PRKDC: variants seen among roughly 807,000 people sequenced by gnomAD.
The protein encoded by PRKDC is DNA-dependent protein kinase catalytic subunit.
PRKDC carries 82 observed loss-of-function variants against 486.9 expected under a neutral mutation model. The observed-to-expected ratio is 0.17, with a 90% CI of 0.14 to 0.20. The LOEUF (loss-of-function observed/expected upper bound fraction) is 0.20, where lower values mean the gene tolerates loss of function less well. Ranked by LOEUF, PRKDC falls within the 10% of genes least tolerant of loss-of-function variation. The probability of loss-of-function intolerance (pLI) is 1.00; values close to 1 mark genes in which losing one functional copy is unlikely to be tolerated. For synonymous variants in PRKDC, 1,895 were observed against 1,837.0 expected, an observed-to-expected ratio of 1.03 and a Z score of -0.81; for missense variants, 4,504 against 5,038.2, an observed-to-expected ratio of 0.89 and a Z score of 3.21.
chr8:47,859,079 A>C (rs2088614656), intron 46 of PRKDC, 93 bp from the exon 47 acceptor site: 2 of 1,365,556 alleles, frequency 1.5e-6, no homozygotes, highest in Admixed American at 3.7e-5. Flanking sequence ...GGGCAACAGC[A>C]TATAACAAAC....
chr8:47,913,474 G>A (rs2089939112), intron 24 of PRKDC, among the ~76,000 whole-genome samples: 1 of 151,996 alleles, frequency 6.6e-6, no homozygotes, highest in African/African-American at 2.4e-5. Flanking sequence ...TCGGCTTGCT[G>A]CAACCACTGC....
Position 47,834,394 on chromosome 8 carries a change from C to T in PRKDC, c.7954G>A (p.Gly2652Arg), listed in dbSNP as rs746861565. 124 of 1,612,850 alleles carry T rather than the reference C, an allele frequency of 7.7e-5. No individual in the cohort carries two copies. Among genetic ancestry groups the T allele is most frequent in the Non-Finnish European group, 9.7e-5 (115 of 1,179,726 alleles). Residue 2652 changes from glycine to arginine, a missense_variant and splice_region_variant, in exon 59 of 86, where the codon GGA (glycine) becomes AGA (arginine). Physicochemically the swap from Gly to Arg is moderately radical, Grantham distance 125 (BLOSUM62 -2). Coordinates refer to ENST00000314191, the MANE Select transcript of PRKDC (RefSeq NM_006904.7). ...HDFTLTQTAD[G>R]RSSFDWLTGS... is the part of the protein sequence containing the mutation. ...GTCAGCCAATCAAATGAGCTTCTTC[C>T]ATCTGTGACATGCAATCAGAGAGGT...
intron 25 of PRKDC, 57 bp from the exon 26 acceptor site, chr8:47,905,033 G>A: frequency 6.3e-6 from 8 of 1,263,186 alleles, no homozygotes; most frequent in Non-Finnish European, 8.0e-6. Flanking sequence ...ATGTTACGCT[G>A]TAAAGGGTTC....
intron 46 of PRKDC, 70 bp from the exon 47 acceptor site, chr8:47,859,056 G>A (rs573263344): frequency 3.2e-6 from 5 of 1,560,598 alleles, no homozygotes; most frequent in African/African-American, 1.4e-5. Flanking sequence ...GTGGATGTGG[G>A]AGGCTCTTTC....
chr8:47,936,885 A>G (rs2090361211), intron 11 of PRKDC, among the ~76,000 whole-genome samples: 1 of 147,704 alleles, frequency 6.8e-6, no homozygotes, highest in Non-Finnish European at 1.5e-5. Flanking sequence ...TCAGCCTCCC[A>G]AAGTGCTGGG....
chr8:47,926,487 C>A (rs916566198), intron 21 of PRKDC, among the ~76,000 whole-genome samples: 7 of 151,992 alleles, frequency 4.6e-5, no homozygotes, highest in Non-Finnish European at 1.0e-4. Flanking sequence ...AAGAAAAAAA[C>A]CTTATAAATT....
chr8:47,830,565 T>A (rs761568354), intron 61 of PRKDC, 40 bp downstream of exon 61: 3 of 1,605,376 alleles, frequency 1.9e-6, no homozygotes, highest in Non-Finnish European at 2.6e-6. Flanking sequence ...TGGAAACAGA[T>A]TTTAACCTGT....
At chr8:47,895,969 G>A (rs888702849) in intron 30 of PRKDC, among the ~76,000 whole-genome samples, 8 of 152,020 alleles carry the variant, frequency 5.3e-5, no homozygotes, top group African/African-American at 1.4e-4. Flanking sequence ...AACCCAGGGC[G>A]CAGAGGCTGC....
At chr8:47,818,025 T>A (rs952013958) in intron 67 of PRKDC, among the ~76,000 whole-genome samples, 1 of 152,186 alleles carries the variant, frequency 6.6e-6, no homozygotes, top group Non-Finnish European at 1.5e-5. Flanking sequence ...ACAGGTAATA[T>A]TTCTAGTGTC....
intron 26 of PRKDC, among the ~76,000 whole-genome samples, chr8:47,903,241 A>G (rs1329071878): frequency 6.6e-6 from 1 of 152,216 alleles, no homozygotes; most frequent in Non-Finnish European, 1.5e-5. Flanking sequence ...ACTGCTCCAT[A>G]AAGGAAAATC....
chr8:47,803,160 T>A, intron 70 of PRKDC, 146 bp downstream of exon 70: 1 of 739,432 alleles, frequency 1.4e-6, no homozygotes, highest in African/African-American at 1.8e-5. Flanking sequence ...ACTATCATTC[T>A]CTGGCTCACT....
rs779718777 is a variant in PRKDC, at chr8:47,798,386, C to T, written c.10309G>A (p.Ala3437Thr). The change falls in exon 73 of 86, where the codon GCA becomes ACA. Residue 3437 changes from alanine to threonine, a missense_variant. Transcript: ENST00000314191. ...AGTGCTGGATACGCCTGCAGTTCTG[C>T]AGAATCAATAACTATCAAGGACACC... ...EEENASVIDS[A>T]ELQAYPALVV... 6.3e-5 allele frequency: 101 copies of T among 1,599,720 alleles called. No homozygotes were observed. The highest frequency in any genetic ancestry group is 1.3e-5 in the African/African-American group (1 of 74,278).
At chr8:47,831,499 T>C (rs935070219) in intron 60 of PRKDC, among the ~76,000 whole-genome samples, 2 of 152,092 alleles carry the variant, frequency 1.3e-5, no homozygotes, top group Non-Finnish European at 2.9e-5. Flanking sequence ...TCCCGCCGCA[T>C]TGGTCCCTGA....
At chr8:47,947,536 G>C (rs571234739) in intron 7 of PRKDC, among the ~76,000 whole-genome samples, 13 of 152,246 alleles carry the variant, frequency 8.5e-5, no homozygotes, top group Non-Finnish European at 1.8e-4. Context: ...GGGAGGGTAA[G>C]GCGGGTGGAT....
At chr8:47,918,649 C>T (rs930855585) in intron 21 of PRKDC, among the ~76,000 whole-genome samples, 3 of 152,178 alleles carry the variant, frequency 2.0e-5, no homozygotes, top group Non-Finnish European at 2.9e-5. Flanking sequence ...GTGGCTCCCA[C>T]GCATCACACT....
At chr8:47,867,172 A>C (rs961973961) in intron 40 of PRKDC, among the ~76,000 whole-genome samples, 1 of 152,172 alleles carries the variant, frequency 6.6e-6, no homozygotes, top group African/African-American at 2.4e-5. Context: ...AATGAGGAAG[A>C]TTTCTATATG....
intron 14 of PRKDC, among the ~76,000 whole-genome samples, chr8:47,934,736 A>AT (rs2090318785): frequency 6.6e-6 from 1 of 152,180 alleles, no homozygotes; most frequent in Non-Finnish European, 1.5e-5. Context: ...CTCCCTTAGC[A>AT]ATTTGTCCTA....
intron 28 of PRKDC, among the ~76,000 whole-genome samples, chr8:47,899,141 T>C (rs912083018): frequency 6.6e-6 from 1 of 152,214 alleles, no homozygotes; most frequent in Non-Finnish European, 1.5e-5. Context: ...TATTTTGACC[T>C]GTGTCACCAA....
Position 47,829,568 on chromosome 8 carries a change from T to C in PRKDC, c.8397+1037A>G, listed in dbSNP as rs189308796. On this transcript the variant is annotated intron_variant, in intron 61 of 85. Coordinates refer to ENST00000314191, the MANE Select transcript of PRKDC (RefSeq NM_006904.7). ...ACATACAAATTTGATTTATTCCTTA[T>C]TGTTTATTTTAAGTAATATATTTAT... is the stretch of plus-strand genomic sequence containing the variant. Among the ~76,000 whole-genome samples the C allele has an allele frequency of 3.3e-3, 509 of 152,286 alleles. 2 individuals are homozygous for C. The highest frequency in any genetic ancestry group is 0.02 in the Middle Eastern group (6 of 294).
Sources: gnomAD v4.1 joint callset for allele counts (sites outside exome capture counted in the v4.1 genomes callset) on GRCh38, gnomAD v4.1.1 for gene constraint, MANE v1.5 for transcripts, NCBI Gene and HGNC (gene_info 2026-07-23, HGNC 2026-07-21) for gene names.